Variants in ABCC12 observed in about 807,000 individuals in gnomAD.
The protein encoded by ABCC12 is ATP-binding cassette sub-family C member 12.
ABCC12 carries 142 observed loss-of-function variants against 151.1 expected under a neutral mutation model. That is an observed-to-expected ratio of 0.94 (90% CI 0.82 to 1.08). The LOEUF (loss-of-function observed/expected upper bound fraction) is 1.08, where lower values mean the gene tolerates loss of function less well. Ranked by LOEUF, ABCC12 falls within the 50% of genes least tolerant of loss-of-function variation. The probability of loss-of-function intolerance (pLI) is 0.00; values close to 1 mark genes in which losing one functional copy is unlikely to be tolerated. For missense variants in ABCC12, 1,638 were observed against 1,691.1 expected (o/e 0.97, Z 0.55); for synonymous variants, 645 against 646.4 (o/e 1.00, Z 0.03).
At chr16:48,118,042 C>CTTTGGGGAG (rs1475130839) in intron 13 of ABCC12, among the ~76,000 whole-genome samples, 1 of 152,164 alleles carries the variant, frequency 6.6e-6, no homozygotes, top group Admixed American at 6.5e-5. Flanking sequence ...GCAGCCCAGG[C>CTTTGGGGAG]TTTGGGGAGT....
chr16:48,149,487 T>A (rs1003159179), intron 2 of ABCC12, among the ~76,000 whole-genome samples: 4 of 152,108 alleles, frequency 2.6e-5, no homozygotes, highest in African/African-American at 9.7e-5. Flanking sequence ...AACACACAAA[T>A]AAGCTAAAAG....
chr16:48,093,515 C>A lies in ABCC12; in HGVS notation c.3196-2306G>T, dbSNP rs369340760. On this transcript the variant is annotated intron_variant, in intron 24 of 30. Coordinates refer to ENST00000311303, the MANE Select transcript of ABCC12 (RefSeq NM_001393797.1). Reference sequence around the variant, plus strand: ...CTTCCGACAGCCACATTCCTCCACTCGTTGTCTTCCTAACATTTAAACACC... The same window carrying A: ...CTTCCGACAGCCACATTCCTCCACTAGTTGTCTTCCTAACATTTAAACACC... 3.9e-5 allele frequency among the ~76,000 whole-genome samples: 6 copies of A among 152,184 alleles called. No homozygotes were observed. The East Asian group carries it at 1.2e-3, about 29-fold the overall frequency.
intron 9 of ABCC12, 102 bp from the exon 10 acceptor site, chr16:48,130,997 G>A (rs1337661194): frequency 1.3e-6 from 1 of 767,692 alleles, no homozygotes; most frequent in Non-Finnish European, 2.2e-6. Context: ...GAGAAATGGT[G>A]GCATCGTTGG....
chr16:48,125,009 G>A (rs1049193066), intron 11 of ABCC12, among the ~76,000 whole-genome samples: 4 of 152,330 alleles, frequency 2.6e-5, no homozygotes, highest in East Asian at 3.9e-4. Flanking sequence ...AAGGGACAGG[G>A]AGTGGGCTAG....
At chr16:48,104,017 A>G in intron 22 of ABCC12, 125 bp downstream of exon 22, 1 of 1,010,458 alleles carries the variant, frequency 9.9e-7, no homozygotes, top group Non-Finnish European at 1.4e-6. Flanking sequence ...GGCATTTACT[A>G]AGTACAAAAA....
Position 48,133,836 on chromosome 16 carries a change from C to T in ABCC12, c.980-1G>A, listed in dbSNP as rs140283067. On this transcript the variant is annotated splice_acceptor_variant, in intron 8 of 30. Transcript: ENST00000311303. LOFTEE classifies it high-confidence loss of function. ...AATTTTCTTTCCCTCCTTCTTATAT[C>T]TGCAAAATAGAACACAGTCCAAGGT... The T allele has an allele frequency of 1.9e-6, 3 of 1,614,156 alleles. No homozygotes were observed. The highest frequency in any genetic ancestry group is 1.1e-5 in the South Asian group (1 of 91,074).
intron 24 of ABCC12, among the ~76,000 whole-genome samples, chr16:48,096,078 GAATT>G (rs1597303904): frequency 6.6e-6 from 1 of 152,106 alleles, no homozygotes; most frequent in African/African-American, 2.4e-5. Flanking sequence ...GGGAGGAAAT[GAATT>G]AATTTAGTTA....
At chr16:48,129,693 G>T (rs1005037464) in intron 10 of ABCC12, among the ~76,000 whole-genome samples, 2 of 152,170 alleles carry the variant, frequency 1.3e-5, no homozygotes, top group African/African-American at 4.8e-5. Context: ...TGAGAAGAAT[G>T]TTAGAAAAAG....
At chr16:48,139,075 C>T in intron 7 of ABCC12, 88 bp downstream of exon 7, 5 of 1,413,094 alleles carry the variant, frequency 3.5e-6, no homozygotes, top group East Asian at 2.3e-5. Context: ...AGGCTTCATG[C>T]GCCAGAAATG....
intron 13 of ABCC12, among the ~76,000 whole-genome samples, chr16:48,120,223 A>G (rs2150634299): frequency 6.6e-6 from 1 of 152,332 alleles, no homozygotes; most frequent in East Asian, 1.9e-4. Context: ...AGAAACAGAA[A>G]ACCAAATATC....
intron 13 of ABCC12, among the ~76,000 whole-genome samples, chr16:48,120,565 T>G (rs951544185): frequency 2.6e-5 from 4 of 151,888 alleles, no homozygotes; most frequent in African/African-American, 9.7e-5. Flanking sequence ...TTTGTTTTTT[T>G]TTTTTTTTGA....
chr16:48,091,036 C>T, intron 25 of ABCC12, 84 bp downstream of exon 25: 1 of 1,359,850 alleles, frequency 7.4e-7, no homozygotes, highest in East Asian at 2.3e-5. Context: ...AAAAAGACCC[C>T]TTTCGCATCT....
chr16:48,104,821 A>G (rs1365520605), intron 21 of ABCC12, among the ~76,000 whole-genome samples: 1 of 152,074 alleles, frequency 6.6e-6, no homozygotes, highest in Non-Finnish European at 1.5e-5. Flanking sequence ...GGCTGGAAGG[A>G]TCTCTTGAGG....
intron 27 of ABCC12, chr16:48,087,719 A>T (rs1962678845): frequency 3.8e-6 from 2 of 521,636 alleles, no homozygotes; most frequent in African/African-American, 3.8e-5. Flanking sequence ...TATAAAACAC[A>T]AGTAATGCTC....
At chr16:48,155,484 G>A (rs972737117) in intron 1 of ABCC12, among the ~76,000 whole-genome samples, 3 of 151,418 alleles carry the variant, frequency 2.0e-5, no homozygotes, top group Admixed American at 6.6e-5. Context: ...TAATTAAATT[G>A]TGAACACTAC....
chr16:48,101,085 C>G, intron 22 of ABCC12, 76 bp from the exon 23 acceptor site: 2 of 1,525,182 alleles, frequency 1.3e-6, no homozygotes, highest in Non-Finnish European at 1.8e-6. Flanking sequence ...CATACAGAGC[C>G]AACTAGGCAC....
chr16:48,101,281 T>C (rs898524786), intron 22 of ABCC12, among the ~76,000 whole-genome samples: 4 of 152,082 alleles, frequency 2.6e-5, no homozygotes, highest in African/African-American at 9.7e-5. Context: ...CCACAAGGCG[T>C]GATTCTAGTC....
At chr16:48,149,380 G>A (rs1567459980) in intron 2 of ABCC12, among the ~76,000 whole-genome samples, 2 of 151,772 alleles carry the variant, frequency 1.3e-5, no homozygotes, top group East Asian at 3.9e-4. Context: ...AAATATAAAT[G>A]GAGTAAATAT....
At chr16:48,084,991 A>T (rs147007908) in intron 29 of ABCC12, among the ~76,000 whole-genome samples, 192 of 152,068 alleles carry the variant, frequency 1.3e-3, no homozygotes, top group African/African-American at 4.4e-3. Context: ...CTGGATATGG[A>T]GACTACACTT....
Sources: allele counts gnomAD v4.1 joint callset (sites outside exome capture counted in the v4.1 genomes callset), GRCh38; gene constraint gnomAD v4.1.1; transcripts MANE v1.5; gene names NCBI Gene and HGNC (gene_info 2026-07-23, HGNC 2026-07-21).